Variants in ZFP64 observed in about 807,000 individuals in gnomAD.
ZFP64 encodes zinc finger protein 64.
In ZFP64, 14 loss-of-function variants were observed where a neutral mutation model predicts 51.6. The ratio of observed to expected loss-of-function variants is 0.27; its 90% CI spans 0.18 to 0.42. The LOEUF is 0.42. ZFP64 is among the 10% of genes least tolerant of loss of function. The pLI is 1.00. For missense variants in ZFP64, 754 were observed against 906.8 expected (o/e 0.83, Z 2.16); for synonymous variants, 375 against 361.4 (o/e 1.04, Z -0.43).
At chr20:52,129,111 T>G (rs962135449) in intron 5 of ZFP64, among the ~76,000 whole-genome samples, 122 of 149,730 alleles carry the variant, frequency 8.1e-4, no homozygotes, top group East Asian at 3.9e-4. Context: ...AGATGGAGTC[T>G]CGCTCTGTTG....
intron 5 of ZFP64, among the ~76,000 whole-genome samples, chr20:52,102,460 T>C (rs2079063370): frequency 1.3e-5 from 2 of 151,952 alleles, no homozygotes; most frequent in Non-Finnish European, 2.9e-5. Flanking sequence ...ATGCTCAAGG[T>C]TGCAGGACTG....
Position 52,191,299 on chromosome 20 carries a change from G to T in ZFP64, c.46+292C>A, listed in dbSNP as rs962829425. On this transcript the variant is annotated intron_variant, in intron 1 of 5. Transcript: ENST00000216923. The surrounding 1 kb of genome is among the most constrained non-coding windows in gnomAD (Gnocchi z 4.3). Reference sequence around the variant, plus strand: ...CCTGATGGGGCGGGAATGCCCTTAGGGGGTGGCGATTGTCTGAACGGCGTG... The same window carrying T: ...CCTGATGGGGCGGGAATGCCCTTAGTGGGTGGCGATTGTCTGAACGGCGTG... Among the ~76,000 whole-genome samples, 4 of 152,280 alleles carry T rather than the reference G, an allele frequency of 2.6e-5. No homozygotes were observed. In the East Asian group the frequency reaches 7.8e-4, roughly 30 times the overall value.
At chr20:52,104,284 G>A (rs1310651493) in intron 5 of ZFP64, among the ~76,000 whole-genome samples, 2 of 152,198 alleles carry the variant, frequency 1.3e-5, no homozygotes, top group African/African-American at 2.4e-5. Context: ...AGAATTTGGC[G>A]AGCGAGAAAA....
intron 2 of ZFP64, among the ~76,000 whole-genome samples, chr20:52,167,259 G>A (rs1351710600): frequency 6.6e-6 from 1 of 151,780 alleles, no homozygotes; most frequent in Non-Finnish European, 1.5e-5. Context: ...TGGGAGGCGG[G>A]GGTTGCAGTG....
intron 5 of ZFP64, among the ~76,000 whole-genome samples, chr20:52,156,468 A>G (rs1981329376): frequency 6.6e-6 from 1 of 152,332 alleles, no homozygotes; most frequent in African/African-American, 2.4e-5. Context: ...AGACATGTGG[A>G]GCAGAGCTGA....
chr20:52,088,304 C>A, intron 8 of ZFP64: 1 of 1,551,018 alleles, frequency 6.4e-7, no homozygotes, highest in Admixed American at 2.1e-5. Context: ...CACACCAAGT[C>A]ATTTAAGTTG....
In ZFP64 at chr20:52,141,686, A is replaced by G. The variant is rs535375334; in HGVS notation, c.763+18437T>C. 2.6e-5 allele frequency among the ~76,000 whole-genome samples: 4 copies of G among 152,214 alleles called. No homozygotes were observed. The South Asian group carries it at 8.3e-4, about 32-fold the overall frequency. On this transcript the variant is annotated intron_variant, in intron 5 of 8. Transcript: ENST00000361387. ...AAAGGAAGTGGTTCCTTGAGATAGAATCGACTCCTGGTAAAGATGTTCTGA... is the reference window on the plus strand; with the variant it reads ...AAAGGAAGTGGTTCCTTGAGATAGAGTCGACTCCTGGTAAAGATGTTCTGA...
chr20:52,123,262 C>T (rs1247029619), intron 5 of ZFP64, among the ~76,000 whole-genome samples: 10 of 152,172 alleles, frequency 6.6e-5, no homozygotes, highest in African/African-American at 2.2e-4. Flanking sequence ...TCCATCTCAG[C>T]CTCCCAAACT....
chr20:52,107,858 G>A (rs111307314), intron 5 of ZFP64, among the ~76,000 whole-genome samples: 1,728 of 152,344 alleles, frequency 0.011, 27 homozygotes, highest in African/African-American at 0.039. Context: ...TCGTGAGTGA[G>A]TGTGTACCTG....
chr20:52,095,249 G>T (rs2078976280), intron 7 of ZFP64, among the ~76,000 whole-genome samples: 2 of 152,154 alleles, frequency 1.3e-5, no homozygotes, highest in African/African-American at 4.8e-5. Flanking sequence ...CACAGCTGGG[G>T]GTGGCCATGG....
chr20:52,125,440 G>A (rs1338228938), intron 5 of ZFP64, among the ~76,000 whole-genome samples: 1 of 152,210 alleles, frequency 6.6e-6, no homozygotes, highest in African/African-American at 2.4e-5. Context: ...GATGCACTGG[G>A]AAACCCTAAG....
At chr20:52,097,780 A>G (rs1193809607) in intron 6 of ZFP64, among the ~76,000 whole-genome samples, 1 of 152,140 alleles carries the variant, frequency 6.6e-6, no homozygotes, top group Non-Finnish European at 1.5e-5. Flanking sequence ...AATTCTTAGA[A>G]GAACCTCAGT....
chr20:52,145,146 T>C (rs1320181666), intron 5 of ZFP64, among the ~76,000 whole-genome samples: 1 of 152,082 alleles, frequency 6.6e-6, no homozygotes, highest in Non-Finnish European at 1.5e-5. Context: ...CAAGCAAAAA[T>C]CAGAGATAGC....
At chr20:52,156,198 T>C (rs909360621) in intron 5 of ZFP64, among the ~76,000 whole-genome samples, 1 of 152,216 alleles carries the variant, frequency 6.6e-6, no homozygotes, top group Non-Finnish European at 1.5e-5. Flanking sequence ...CTGTAGATTA[T>C]AAAAATGTTC....
chr20:52,117,909 C>A (rs1978963682), intron 5 of ZFP64, among the ~76,000 whole-genome samples: 1 of 152,094 alleles, frequency 6.6e-6, no homozygotes, highest in South Asian at 2.1e-4. Flanking sequence ...CATCCTCCTG[C>A]CTCAGCTTCC....
intron 3 of ZFP64, 108 bp downstream of exon 3, chr20:52,165,756 A>T: frequency 7.0e-7 from 1 of 1,431,966 alleles, no homozygotes; most frequent in Non-Finnish European, 9.7e-7. Context: ...TATGCCAGGT[A>T]GTTTGGAACA....
At chr20:52,143,539 G>GTT (rs879266044) in intron 5 of ZFP64, among the ~76,000 whole-genome samples, 1 of 131,860 alleles carries the variant, frequency 7.6e-6, no homozygotes. Flanking sequence ...TTACGACTTA[G>GTT]TTTTTTTTTT....
intron 5 of ZFP64, among the ~76,000 whole-genome samples, chr20:52,156,229 C>T (rs1279176264): frequency 1.3e-5 from 2 of 152,190 alleles, no homozygotes; most frequent in Admixed American, 6.5e-5. Flanking sequence ...CCACCTCCCA[C>T]CCCTCCTTTA....
intron 8 of ZFP64, among the ~76,000 whole-genome samples, chr20:52,086,982 T>TG (rs2078871720): frequency 6.6e-6 from 1 of 152,222 alleles, no homozygotes; most frequent in African/African-American, 2.4e-5. Context: ...ACTAGCATGG[T>TG]GGCTGGGAGT....
Sources: gnomAD v4.1 joint callset for allele counts (sites outside exome capture counted in the v4.1 genomes callset) on GRCh38, gnomAD v4.1.1 for gene constraint, Gnocchi (gnomAD v3.1) non-coding constraint, MANE v1.5 for transcripts, NCBI Gene and HGNC (gene_info 2026-07-23, HGNC 2026-07-21) for gene names.